The following ERC2 variants were observed in gnomAD, a reference collection of about 807,000 sequenced individuals.
The protein encoded by ERC2 is ELKS/RAB6-interacting/CAST family member 2.
ERC2 carries 42 observed loss-of-function variants against 114.8 expected under a neutral mutation model. That is an observed-to-expected ratio of 0.37 (90% CI 0.29 to 0.47). The LOEUF is 0.47. ERC2 is among the 20% of genes least tolerant of loss of function. ERC2 has a pLI of 0.99. For synonymous variants in ERC2, 454 were observed against 425.5 expected (o/e 1.07, Z -0.82); for missense variants, 939 against 1,150.7 (o/e 0.82, Z 2.66).
intron 7 of ERC2, among the ~76,000 whole-genome samples, chr3:56,032,778 G>A (rs1473829495): frequency 6.6e-6 from 1 of 150,850 alleles, no homozygotes; most frequent in Non-Finnish European, 1.5e-5. Flanking sequence ...GAGGCTGTAG[G>A]ATCACTTGAG....
At chr3:55,533,177 G>C (rs1320999240) in intron 17 of ERC2, among the ~76,000 whole-genome samples, 1 of 152,242 alleles carries the variant, frequency 6.6e-6, no homozygotes, top group Non-Finnish European at 1.5e-5. Flanking sequence ...TCAGGGGACA[G>C]AGTGAGATCT....
intron 14 of ERC2, among the ~76,000 whole-genome samples, chr3:55,814,284 T>G (rs765024396): frequency 3.3e-4 from 50 of 152,316 alleles, no homozygotes; most frequent in African/African-American, 1.1e-3. Flanking sequence ...TTTTCTCCTT[T>G]TGATTTTCAT....
intron 17 of ERC2, among the ~76,000 whole-genome samples, chr3:55,573,045 C>T (rs79623068): frequency 0.017 from 2,515 of 152,226 alleles, 54 homozygotes; most frequent in African/African-American, 0.057. Flanking sequence ...CAGGTTTGAC[C>T]GCAAAACACC....
intron 17 of ERC2, among the ~76,000 whole-genome samples, chr3:55,550,399 C>T (rs2107410471): frequency 6.6e-6 from 1 of 152,266 alleles, no homozygotes; most frequent in Admixed American, 6.5e-5. Context: ...GGGCAATCAG[C>T]CCTTTGTATT....
At chr3:55,543,517 T>A (rs927259878) in intron 17 of ERC2, among the ~76,000 whole-genome samples, 22 of 152,188 alleles carry the variant, frequency 1.4e-4, no homozygotes, top group Non-Finnish European at 2.2e-4. Context: ...TCAGGCGGGT[T>A]AGCGGTTGGC....
At chr3:55,725,162 A>C (rs1031142879) in intron 15 of ERC2, among the ~76,000 whole-genome samples, 1 of 152,176 alleles carries the variant, frequency 6.6e-6, no homozygotes, top group Non-Finnish European at 1.5e-5. Flanking sequence ...CAAGTTACTG[A>C]AGCAAAGTTG....
chr3:56,287,063 T>A (rs1193891977), intron 3 of ERC2, among the ~76,000 whole-genome samples: 1 of 152,182 alleles, frequency 6.6e-6, no homozygotes, highest in Non-Finnish European at 1.5e-5. Flanking sequence ...CCCCTCAACC[T>A]ACATGCCTAA....
chr3:55,875,724 A>ACACACACTCT (rs1491351730), intron 14 of ERC2, among the ~76,000 whole-genome samples: 141 of 141,102 alleles, frequency 1.0e-3, no homozygotes, highest in African/African-American at 3.8e-3. Context: ...ACACACACAC[A>ACACACACTCT]CTCTCTCTCT....
At chr3:55,916,642 A>C (rs565666719) in intron 13 of ERC2, among the ~76,000 whole-genome samples, 1 of 152,064 alleles carries the variant, frequency 6.6e-6, no homozygotes, top group South Asian at 2.1e-4. Context: ...TGTTCCTACC[A>C]CCCAGAGTTC....
At chr3:56,213,543 C>G (rs6445772) in intron 3 of ERC2, among the ~76,000 whole-genome samples, 141,151 of 152,240 alleles carry the variant, frequency 0.93, 65,717 homozygotes, top group East Asian at 1. Flanking sequence ...GGAGCCCATC[C>G]CAGCTCAAGG....
chr3:55,770,235 G>A (rs150365951), intron 14 of ERC2, among the ~76,000 whole-genome samples: 21 of 152,268 alleles, frequency 1.4e-4, no homozygotes, highest in African/African-American at 5.1e-4. Context: ...TGGCTGACAT[G>A]CAACCACTGA....
intron 3 of ERC2, among the ~76,000 whole-genome samples, chr3:56,220,313 G>A (rs1006893750): frequency 6.6e-6 from 1 of 152,156 alleles, no homozygotes; most frequent in South Asian, 2.1e-4. Context: ...GCCATGAAAT[G>A]CTTTATTAAA....
At chr3:56,263,183 C>T (rs2053056607) in intron 3 of ERC2, among the ~76,000 whole-genome samples, 1 of 151,918 alleles carries the variant, frequency 6.6e-6, no homozygotes, top group South Asian at 2.1e-4. Context: ...GATTTTCTCA[C>T]TGATTTACAA....
At chr3:55,684,434 T>G (rs549109134) in intron 16 of ERC2, among the ~76,000 whole-genome samples, 10 of 152,290 alleles carry the variant, frequency 6.6e-5, no homozygotes, top group Non-Finnish European at 1.5e-4. Context: ...ATCTTCTTAG[T>G]TGACAGATTC....
chr3:56,058,742 T>G (rs577383058), intron 7 of ERC2, among the ~76,000 whole-genome samples: 11 of 152,336 alleles, frequency 7.2e-5, no homozygotes, highest in African/African-American at 2.6e-4. Context: ...CAGACAGCCT[T>G]GGACTCAAAC....
chr3:55,908,369 G>A (rs926993660), intron 13 of ERC2, among the ~76,000 whole-genome samples: 1 of 152,118 alleles, frequency 6.6e-6, no homozygotes, highest in African/African-American at 2.4e-5. Context: ...GTCAAGCAGG[G>A]TTGGTGGAAA....
At chr3:55,922,282 G>C (rs1351998293) in intron 13 of ERC2, among the ~76,000 whole-genome samples, 1 of 151,874 alleles carries the variant, frequency 6.6e-6, no homozygotes, top group African/African-American at 2.4e-5. Flanking sequence ...AGCCACCCAG[G>C]GGAAAAACAT....
intron 3 of ERC2, among the ~76,000 whole-genome samples, chr3:56,195,085 G>A (rs1210983560): frequency 6.6e-6 from 1 of 152,078 alleles, no homozygotes; most frequent in African/African-American, 2.4e-5. Flanking sequence ...TAATAAAATA[G>A]AACAATTATA....
intron 17 of ERC2, among the ~76,000 whole-genome samples, chr3:55,587,250 T>C (rs571694292): frequency 6.6e-6 from 1 of 152,244 alleles, no homozygotes; most frequent in East Asian, 1.9e-4. Flanking sequence ...GCCTCTCAGG[T>C]TCAAGCGATT....
Sources: gnomAD v4.1 joint callset for allele counts (sites outside exome capture counted in the v4.1 genomes callset) on GRCh38, gnomAD v4.1.1 for gene constraint, MANE v1.5 for transcripts, NCBI Gene and HGNC (gene_info 2026-07-23, HGNC 2026-07-21) for gene names.